The following EYS variants were observed in gnomAD, a reference collection of about 807,000 sequenced individuals.
The protein encoded by EYS is protein eyes shut homolog.
In EYS, 250 loss-of-function variants were observed where a neutral mutation model predicts 282.1. The observed-to-expected ratio is 0.89, with a 90% CI of 0.80 to 0.98. The LOEUF is 0.98. Ranked by LOEUF, EYS falls within the 50% of genes least tolerant of loss-of-function variation. EYS has a pLI of 0.00. For missense variants in EYS, 4,016 were observed against 3,709.0 expected (o/e 1.08, Z -2.15); for synonymous variants, 1,355 against 1,282.9 (o/e 1.06, Z -1.20).
At chr6:65,443,580 A>G (rs1368753458) in intron 5 of EYS, among the ~76,000 whole-genome samples, 2 of 151,800 alleles carry the variant, frequency 1.3e-5, no homozygotes, top group African/African-American at 4.8e-5. Flanking sequence ...ATATGTGTAT[A>G]TACACATATA....
At chr6:64,333,304 T>A (rs1770710731) in intron 29 of EYS, among the ~76,000 whole-genome samples, 2 of 152,012 alleles carry the variant, frequency 1.3e-5, no homozygotes, top group South Asian at 4.2e-4. Flanking sequence ...CTTACTCAAA[T>A]AAAGGGCCTA....
At chr6:65,167,935 T>C (rs955046196) in intron 12 of EYS, among the ~76,000 whole-genome samples, 8 of 151,400 alleles carry the variant, frequency 5.3e-5, no homozygotes, top group Non-Finnish European at 1.0e-4. Context: ...TGTTTATTGC[T>C]TTGTTTCGAT....
chr6:63,903,892 C>T (rs1194020830), intron 35 of EYS, among the ~76,000 whole-genome samples: 1 of 152,204 alleles, frequency 6.6e-6, no homozygotes, highest in East Asian at 1.9e-4. Flanking sequence ...ACACAAAAGA[C>T]TGTAGGTAGA....
rs1227506064 is a variant in EYS at position 64,950,818 on chromosome 6, T to TAA, written c.2260-4905_2260-4904insTT. ...ATATACATATATATATATATATATA[T>TAA]ATATATATATATATATTGTTGAATT... On this transcript the variant is annotated intron_variant, in intron 14 of 42. Coordinates refer to ENST00000503581, the MANE Select transcript of EYS (RefSeq NM_001142800.2). Among the ~76,000 whole-genome samples the TAA allele has an allele frequency of 7.9e-5, 9 of 113,666 alleles. 2 individuals carry two copies. The highest frequency in any genetic ancestry group is 1.3e-4 in the Non-Finnish European group (7 of 51,948). 74.6% of individuals were successfully genotyped at this position (113,666 alleles called of 152,430 possible). A position where few individuals can be genotyped will look rare whatever the true frequency, so the allele number is the denominator to read the frequency against.
chr6:64,360,753 G>T (rs1771976883), intron 29 of EYS, among the ~76,000 whole-genome samples: 2 of 151,710 alleles, frequency 1.3e-5, no homozygotes, highest in Admixed American at 6.6e-5. Context: ...CCTGCTGAAT[G>T]CTAAATAGAA....
At chr6:65,410,747 C>T (rs1562161878) in intron 5 of EYS, among the ~76,000 whole-genome samples, 1 of 151,680 alleles carries the variant, frequency 6.6e-6, no homozygotes, top group Non-Finnish European at 1.5e-5. Flanking sequence ...ATTTTTACCC[C>T]CTGTTTATTG....
intron 2 of EYS, among the ~76,000 whole-genome samples, chr6:65,636,934 C>A (rs1582549120): frequency 6.6e-6 from 1 of 152,328 alleles, no homozygotes; most frequent in East Asian, 1.9e-4. Context: ...ACCTCAGCCT[C>A]CTGAATAGCT....
At chr6:65,567,949 TTC>T (rs1764333579) in intron 2 of EYS, among the ~76,000 whole-genome samples, 1 of 151,994 alleles carries the variant, frequency 6.6e-6, no homozygotes, top group African/African-American at 2.4e-5. Context: ...GAAGCTCAGG[TTC>T]TCTGATTTTT....
rs952668832 is a variant in EYS at position 64,748,767 on chromosome 6, T to A, written c.3443+64611A>T. 2.9e-4 allele frequency among the ~76,000 whole-genome samples: 44 copies of A among 152,326 alleles called. 1 individual carries two copies. The highest frequency in any genetic ancestry group is 1.1e-3 in the African/African-American group (44 of 41,580). On this transcript the variant is annotated intron_variant, in intron 22 of 42. Transcript: ENST00000503581. Reference sequence around the variant, plus strand: ...GTATAATGTCACATACTATTTAAAATTTTTTAATTTTTTATTGTTTTATGA... The same window carrying A: ...GTATAATGTCACATACTATTTAAAAATTTTTAATTTTTTATTGTTTTATGA...
intron 12 of EYS, among the ~76,000 whole-genome samples, chr6:65,120,167 C>CAAAA (rs1448265867): frequency 7.9e-6 from 1 of 126,022 alleles, no homozygotes; most frequent in Non-Finnish European, 1.7e-5. Flanking sequence ...AAAAAAAAAA[C>CAAAA]AAAAACAAAT....
intron 36 of EYS, among the ~76,000 whole-genome samples, chr6:63,816,362 A>G (rs1344101114): frequency 1.3e-5 from 2 of 152,206 alleles, no homozygotes; most frequent in East Asian, 3.8e-4. Context: ...GAAATAAAGT[A>G]TTTTATTTGC....
chr6:64,070,465 T>G (rs1771533511), intron 32 of EYS, among the ~76,000 whole-genome samples: 2 of 152,102 alleles, frequency 1.3e-5, no homozygotes, highest in African/African-American at 4.8e-5. Flanking sequence ...CTTAGACAGC[T>G]TGAGTTTTAT....
intron 2 of EYS, among the ~76,000 whole-genome samples, chr6:65,618,951 T>C (rs1243172885): frequency 2.0e-5 from 3 of 152,230 alleles, no homozygotes; most frequent in African/African-American, 4.8e-5. Flanking sequence ...TTTTGGTTAC[T>C]GTAGTCTTGT....
intron 41 of EYS, among the ~76,000 whole-genome samples, chr6:63,757,703 G>C (rs945602621): frequency 6.6e-6 from 1 of 152,098 alleles, no homozygotes; most frequent in East Asian, 1.9e-4. Context: ...TTATTTCTCA[G>C]AACAACTGAC....
chr6:64,516,126 C>T (rs933320018), intron 26 of EYS, among the ~76,000 whole-genome samples: 1 of 151,622 alleles, frequency 6.6e-6, no homozygotes, highest in Admixed American at 6.6e-5. Context: ...AACTCATGGA[C>T]ACATAGAGGG....
chr6:64,988,757 G>T (rs1181209148), intron 14 of EYS, among the ~76,000 whole-genome samples: 1 of 151,330 alleles, frequency 6.6e-6, no homozygotes, highest in Non-Finnish European at 1.5e-5. Flanking sequence ...CTTCATAATA[G>T]GTATTTTATT....
rs1489813523 is a variant in EYS, at chr6:65,517,231, A to T, written c.-332-21238T>A. ...TTTTATTTTCCATTATAAACCTAGG[A>T]TATATTTTATACCTCATATTTTAAT... is the stretch of plus-strand genomic sequence containing the variant. On this transcript the variant is annotated intron_variant, in intron 2 of 42. Transcript: ENST00000503581. Among the ~76,000 whole-genome samples the T allele has an allele frequency of 2.0e-5, 3 of 151,750 alleles. No individual in the cohort carries two copies. In the East Asian group the frequency reaches 5.8e-4, roughly 29 times the overall value.
intron 42 of EYS, among the ~76,000 whole-genome samples, chr6:63,725,717 T>C (rs1768589342): frequency 6.6e-6 from 1 of 152,162 alleles, no homozygotes. Context: ...GATATTCTTA[T>C]CATTTAGAAG....
intron 35 of EYS, among the ~76,000 whole-genome samples, chr6:63,969,447 A>G (rs1377268428): frequency 6.6e-6 from 1 of 152,242 alleles, no homozygotes; most frequent in Non-Finnish European, 1.5e-5. Context: ...AGCAGAGAGA[A>G]TAGCCTAATG....
Sources: allele counts gnomAD v4.1 joint callset (sites outside exome capture counted in the v4.1 genomes callset), GRCh38; gene constraint gnomAD v4.1.1; transcripts MANE v1.5; gene names NCBI Gene and HGNC (gene_info 2026-07-23, HGNC 2026-07-21).